Variants in MARK1 observed in about 807,000 individuals in gnomAD.
MARK1 encodes microtubule affinity regulating kinase 1.
MARK1 carries 40 observed loss-of-function variants against 96.3 expected under a neutral mutation model. The ratio of observed to expected loss-of-function variants is 0.42; its 90% confidence interval spans 0.32 to 0.54. The LOEUF (loss-of-function observed/expected upper bound fraction) is 0.54, where lower values mean the gene tolerates loss of function less well. MARK1 is among the 20% of genes least tolerant of loss of function. The pLI is 0.16. For missense variants in MARK1, 719 were observed against 984.6 expected, an observed-to-expected ratio of 0.73 and a Z score of 3.61; for synonymous variants, 317 against 341.2, an observed-to-expected ratio of 0.93 and a Z score of 0.78.
intron 1 of MARK1, among the ~76,000 whole-genome samples, chr1:220,564,374 TGAG>T (rs1284898923): frequency 1.3e-5 from 2 of 152,182 alleles, no homozygotes; most frequent in Non-Finnish European, 2.9e-5. Context: ...TGTTGTGAGC[TGAG>T]TATCTGGTAC....
chr1:220,546,934 T>A (rs945073729), intron 1 of MARK1, among the ~76,000 whole-genome samples: 4 of 144,642 alleles, frequency 2.8e-5, no homozygotes, highest in African/African-American at 7.8e-5. Flanking sequence ...ATCGCACCAG[T>A]GCACTCCAGC....
intron 1 of MARK1, among the ~76,000 whole-genome samples, chr1:220,537,208 A>C (rs1307356132): frequency 6.8e-6 from 1 of 147,150 alleles, no homozygotes; most frequent in Non-Finnish European, 1.5e-5. Flanking sequence ...ATTTAGCATT[A>C]GGTATATCTC....
chr1:220,597,871 A>G (rs1008468759), intron 3 of MARK1, among the ~76,000 whole-genome samples: 1 of 152,170 alleles, frequency 6.6e-6, no homozygotes, highest in Non-Finnish European at 1.5e-5. Flanking sequence ...CTACCTAAAA[A>G]CCTTACTGAA....
intron 14 of MARK1, among the ~76,000 whole-genome samples, chr1:220,651,330 G>A (rs1027620295): frequency 3.9e-5 from 6 of 152,110 alleles, no homozygotes; most frequent in Non-Finnish European, 8.8e-5. Context: ...CATTTCAGTA[G>A]TGTGTACAAC....
chr1:220,561,138 G>T (rs540931500), intron 1 of MARK1, among the ~76,000 whole-genome samples: 1 of 152,226 alleles, frequency 6.6e-6, no homozygotes, highest in South Asian at 2.1e-4. Context: ...ACATTACAGG[G>T]ATGAATGGTA....
intron 1 of MARK1, among the ~76,000 whole-genome samples, chr1:220,571,005 G>A (rs1039593068): frequency 2.0e-5 from 3 of 152,052 alleles, no homozygotes; most frequent in Non-Finnish European, 4.4e-5. Flanking sequence ...TTTGTAAATA[G>A]GTATGTGACT....
intron 7 of MARK1, 74 bp downstream of exon 7, chr1:220,616,069 C>A: frequency 1.3e-6 from 1 of 747,962 alleles, no homozygotes; most frequent in Non-Finnish European, 2.1e-6. Context: ...AATATTAGAG[C>A]TGTCTATTTT....
chr1:220,595,077 G>C (rs544152107), intron 3 of MARK1, among the ~76,000 whole-genome samples: 5 of 152,134 alleles, frequency 3.3e-5, no homozygotes, highest in Non-Finnish European at 5.9e-5. Context: ...TGTTGATGGT[G>C]GGGGAGGCTC....
chr1:220,647,537 T>G (rs1157060789), intron 13 of MARK1, among the ~76,000 whole-genome samples: 1 of 152,150 alleles, frequency 6.6e-6, no homozygotes, highest in Non-Finnish European at 1.5e-5. Context: ...GCAATCCCAT[T>G]ACTAGGTATA....
chr1:220,556,503 A>AAAAAC (rs1558256430), intron 1 of MARK1, among the ~76,000 whole-genome samples: 1 of 142,618 alleles, frequency 7.0e-6, no homozygotes, highest in Non-Finnish European at 1.5e-5. Context: ...AAAAAAAAAA[A>AAAAAC]AAACAAATTA....
At chr1:220,655,713 G>C (rs1246386092) in intron 16 of MARK1, among the ~76,000 whole-genome samples, 3 of 152,046 alleles carry the variant, frequency 2.0e-5, no homozygotes, top group Non-Finnish European at 4.4e-5. Flanking sequence ...TTCTGTCCTT[G>C]TCCTCCTCTT....
intron 1 of MARK1, among the ~76,000 whole-genome samples, chr1:220,566,006 G>A (rs1288544087): frequency 6.6e-6 from 1 of 152,188 alleles, no homozygotes; most frequent in South Asian, 2.1e-4. Context: ...TTTAGGTTTT[G>A]CCTCTGGAAC....
intron 13 of MARK1, among the ~76,000 whole-genome samples, chr1:220,643,150 A>G (rs1668375598): frequency 6.6e-6 from 1 of 152,162 alleles, no homozygotes; most frequent in Non-Finnish European, 1.5e-5. Context: ...GTAATAATGA[A>G]CTTTGCTGAG....
chr1:220,608,257 T>C (rs1666210809), intron 6 of MARK1, among the ~76,000 whole-genome samples: 1 of 152,228 alleles, frequency 6.6e-6, no homozygotes, highest in Non-Finnish European at 1.5e-5. Context: ...ATTCAGAGAT[T>C]CAACGTACTC....
chr1:220,545,924 C>A (rs150642237), intron 1 of MARK1, among the ~76,000 whole-genome samples: 19 of 152,212 alleles, frequency 1.2e-4, no homozygotes, highest in African/African-American at 4.6e-4. Context: ...CCTTACTGGG[C>A]CTGCACAACT....
At position 220,661,787 on chromosome 1, in the gene MARK1, C is replaced by G. The variant is rs763652723; in HGVS notation, c.2034-25C>G. ...GCTGAGTGAAATATTTGCTTTCATTCTTTCCCTTTGCCCTCTTGTTCCAGA... is the reference window on the plus strand; with the variant it reads ...GCTGAGTGAAATATTTGCTTTCATTGTTTCCCTTTGCCCTCTTGTTCCAGA... On this transcript the variant is annotated intron_variant, in intron 17 of 17. Transcript: ENST00000366917. The G allele has an allele frequency of 3.3e-6, 5 of 1,523,652 alleles. No individual in the cohort carries two copies. The South Asian group carries it at 6.0e-5, about 18-fold the overall frequency. The allele number at this position is 1,523,652 out of a possible 1,614,324, so 94.4% of individuals were successfully genotyped here. A position where few individuals can be genotyped will look rare whatever the true frequency, so the allele number is the denominator to read the frequency against.
At chr1:220,564,105 T>A (rs1662878644) in intron 1 of MARK1, among the ~76,000 whole-genome samples, 1 of 152,226 alleles carries the variant, frequency 6.6e-6, no homozygotes, top group South Asian at 2.1e-4. Flanking sequence ...TAGAAATCAT[T>A]GCATTAAATG....
At chr1:220,564,010 A>G (rs1390793204) in intron 1 of MARK1, among the ~76,000 whole-genome samples, 1 of 152,148 alleles carries the variant, frequency 6.6e-6, no homozygotes. Context: ...CCGTTAGAGG[A>G]TAGCAGTGGA....
chr1:220,577,839 C>G (rs1355648414), intron 1 of MARK1, among the ~76,000 whole-genome samples: 1 of 152,116 alleles, frequency 6.6e-6, no homozygotes, highest in East Asian at 1.9e-4. Flanking sequence ...TGCTGTGATA[C>G]GTGGAAGTAC....
Sources: allele counts gnomAD v4.1 joint callset (sites outside exome capture counted in the v4.1 genomes callset), GRCh38; gene constraint gnomAD v4.1.1; transcripts MANE v1.5; gene names NCBI Gene and HGNC (gene_info 2026-07-23, HGNC 2026-07-21).